The following ABAT variants were observed in gnomAD, a reference collection of about 807,000 sequenced individuals.
ABAT encodes the protein 4-aminobutyrate aminotransferase, mitochondrial.
In ABAT, 45 loss-of-function variants were observed where a neutral mutation model predicts 64.6. The observed-to-expected ratio is 0.70, with a 90% CI of 0.55 to 0.89. ABAT has a LOEUF of 0.89. Ranked by LOEUF, ABAT falls within the 40% of genes least tolerant of loss-of-function variation. The pLI is 0.00. For missense variants in ABAT, 633 were observed against 658.4 expected, an observed-to-expected ratio of 0.96 and a Z score of 0.42; for synonymous variants, 297 against 250.5, an observed-to-expected ratio of 1.19 and a Z score of -1.75.
chr16:8,713,921 T>G (rs1242152818), intron 1 of ABAT: 4 of 456,004 alleles, frequency 8.8e-6, no homozygotes, highest in Non-Finnish European at 1.8e-5. Context: ...TGTATGTATT[T>G]GCTGCCATGG....
intron 14 of ABAT, among the ~76,000 whole-genome samples, chr16:8,778,337 C>T (rs1596473777): frequency 6.6e-6 from 1 of 152,278 alleles, no homozygotes; most frequent in South Asian, 2.1e-4. Flanking sequence ...AGAATCTGTT[C>T]CATGCCCCTC....
intron 1 of ABAT, among the ~76,000 whole-genome samples, chr16:8,681,717 C>A (rs2057338520): frequency 6.6e-6 from 1 of 150,990 alleles, no homozygotes; most frequent in African/African-American, 2.4e-5. Context: ...TCTCAGCTCA[C>A]TGCAACTTCT....
At chr16:8,733,691 T>C (rs1006228954) in intron 1 of ABAT, among the ~76,000 whole-genome samples, 2 of 151,680 alleles carry the variant, frequency 1.3e-5, no homozygotes, top group Non-Finnish European at 2.9e-5. Context: ...CGTGGCGGCG[T>C]GAGGCTGCAA....
rs1282932338 is a variant in ABAT at position 8,776,506 on chromosome 16, C to T, written c.1269+16C>T. On this transcript the variant is annotated intron_variant, in intron 14 of 15. Coordinates refer to ENST00000268251, the MANE Select transcript of ABAT (RefSeq NM_020686.6). The surrounding 1 kb of genome is among the most constrained non-coding windows in gnomAD (Gnocchi z 4.4). ...GGACCTCCAGGTAACACCCCCTCCC[C>T]TGCCCCGCCCCCACCACCCATGGCT... 3 of 1,582,774 alleles carry T rather than the reference C, an allele frequency of 1.9e-6. No individual in the cohort carries two copies. The highest frequency in any genetic ancestry group is 2.7e-5 in the African/African-American group (2 of 74,320).
At chr16:8,688,760 A>G (rs1406496381) in intron 1 of ABAT, among the ~76,000 whole-genome samples, 2 of 152,132 alleles carry the variant, frequency 1.3e-5, no homozygotes, top group East Asian at 3.9e-4. Context: ...GTCTTCCTTT[A>G]TGGTTAATGC....
intron 4 of ABAT, 82 bp downstream of exon 4, chr16:8,748,219 C>T (rs184490022): frequency 4.5e-6 from 6 of 1,320,042 alleles, no homozygotes; most frequent in African/African-American, 4.4e-5. Flanking sequence ...TCTGTTCTGG[C>T]TCTTTTTTAA....
chr16:8,716,088 A>C (rs774377578), intron 1 of ABAT, among the ~76,000 whole-genome samples: 3 of 152,128 alleles, frequency 2.0e-5, no homozygotes, highest in Non-Finnish European at 2.9e-5. Flanking sequence ...CGCGTGGATT[A>C]TCTCATTTCA....
At chr16:8,750,239 T>C (rs2059440004) in intron 4 of ABAT, among the ~76,000 whole-genome samples, 183 bp from the exon 5 acceptor site, 1 of 152,194 alleles carries the variant, frequency 6.6e-6, no homozygotes, top group Non-Finnish European at 1.5e-5. Context: ...TACTGAACTA[T>C]TATAAAGCAA....
chr16:8,767,951 C>G (rs1354622683), intron 9 of ABAT, among the ~76,000 whole-genome samples: 1 of 151,522 alleles, frequency 6.6e-6, no homozygotes, highest in Non-Finnish European at 1.5e-5. Context: ...GCTGGGATTA[C>G]AGGTGTGAGC....
intron 1 of ABAT, among the ~76,000 whole-genome samples, chr16:8,710,782 GGCCTTCTTGTACCAACCCTCT>G (rs2058054776): frequency 6.7e-6 from 1 of 149,502 alleles, no homozygotes; most frequent in African/African-American, 2.4e-5. Flanking sequence ...ACTAGAACTA[GGCCTTCTTGTACCAACCCTCT>G]GGATTCTCTC....
At chr16:8,772,470 C>T (rs894790057) in intron 11 of ABAT, among the ~76,000 whole-genome samples, 1 of 152,246 alleles carries the variant, frequency 6.6e-6, no homozygotes, top group African/African-American at 2.4e-5. Flanking sequence ...ATTCAGTCCT[C>T]TCCACGACCC....
rs151301495 is a variant in ABAT at position 8,767,177 on chromosome 16, C to G, written c.603+907C>G. ...TCAGCTGGAAACATGTTTGGATTCC[C>G]TTGCTGGGTGAAGAGTCAGAAAACA... On this transcript the variant is annotated intron_variant, in intron 9 of 15. Transcript: ENST00000268251. 8.1e-3 allele frequency among the ~76,000 whole-genome samples: 1,237 copies of G among 152,284 alleles called. 5 individuals carry two copies. The highest frequency in any genetic ancestry group is 0.019 in the South Asian group (91 of 4,834).
chr16:8,737,274 CGAGACCAGCCTGGCCAACATGG>C (rs2058972524), intron 2 of ABAT: 1 of 151,654 alleles, frequency 6.6e-6, no homozygotes, highest in Non-Finnish European at 1.5e-5. Flanking sequence ...GGTCAGGGGT[CGAGACCAGCCTGGCCAACATGG>C]TGAAACCCCG....
intron 6 of ABAT, among the ~76,000 whole-genome samples, chr16:8,759,144 C>A (rs776729675): frequency 3.8e-4 from 57 of 151,964 alleles, no homozygotes; most frequent in Non-Finnish European, 1.2e-4. Flanking sequence ...AAGTACAACA[C>A]CCATGCAGGC....
At chr16:8,773,657 C>A (rs1280219824) in intron 12 of ABAT, among the ~76,000 whole-genome samples, 1 of 152,192 alleles carries the variant, frequency 6.6e-6, no homozygotes, top group Non-Finnish European at 1.5e-5. Flanking sequence ...TCTTATTCTT[C>A]TATCTAACTG....
chr16:8,676,211 C>T (rs1171375478), intron 1 of ABAT, among the ~76,000 whole-genome samples: 1 of 152,106 alleles, frequency 6.6e-6, no homozygotes, highest in African/African-American at 2.4e-5. Context: ...GGTAAATGGT[C>T]CAGTCTGGAG....
At chr16:8,717,139 A>C (rs1029742756) in intron 1 of ABAT, among the ~76,000 whole-genome samples, 1 of 152,062 alleles carries the variant, frequency 6.6e-6, no homozygotes, top group African/African-American at 2.4e-5. Flanking sequence ...AAAATACAAA[A>C]ATTAGCCAGG....
intron 1 of ABAT, among the ~76,000 whole-genome samples, chr16:8,715,901 T>C (rs1383967079): frequency 1.3e-5 from 2 of 151,856 alleles, no homozygotes; most frequent in South Asian, 2.1e-4. Context: ...AAGGATGAAA[T>C]ATCACAATGT....
chr16:8,760,901 C>G (rs147049543), intron 6 of ABAT, among the ~76,000 whole-genome samples: 166 of 152,180 alleles, frequency 1.1e-3, no homozygotes, highest in African/African-American at 3.9e-3. Flanking sequence ...TATCGAGACC[C>G]TGTCTCTACG....
Sources: allele counts gnomAD v4.1 joint callset (sites outside exome capture counted in the v4.1 genomes callset), GRCh38; gene constraint gnomAD v4.1.1; non-coding constraint Gnocchi (gnomAD v3.1); transcripts MANE v1.5; gene names NCBI Gene and HGNC (gene_info 2026-07-23, HGNC 2026-07-21).